The following TMEM128 variants were observed in gnomAD, a reference collection of about 807,000 sequenced individuals.
TMEM128 encodes the protein transmembrane protein 128.
Under a neutral mutation model 19.7 loss-of-function variants are expected in TMEM128, and 16 were observed. That is an observed-to-expected ratio of 0.81 (90% CI 0.55 to 1.23). The LOEUF is 1.23. TMEM128 is among the 50% of genes most tolerant of loss of function. TMEM128 has a pLI of 0.00. For missense variants in TMEM128, 237 were observed against 200.8 expected (o/e 1.18, Z -1.09); for synonymous variants, 98 against 75.8 (o/e 1.29, Z -1.52).
chr4:4,236,393 A>G (rs1717721541), intron 4 of TMEM128, 137 bp from the exon 5 acceptor site: 1 of 152,206 alleles, frequency 6.6e-6, no homozygotes, highest in Non-Finnish European at 1.5e-5. Context: ...AATCTACAAC[A>G]TTGTCTGAGT....
chr4:4,236,789 C>A (rs1298409671), intron 4 of TMEM128, among the ~76,000 whole-genome samples: 1 of 152,232 alleles, frequency 6.6e-6, no homozygotes, highest in East Asian at 1.9e-4. Flanking sequence ...GGAGAACATG[C>A]TGTTTTTAGC....
At chr4:4,242,062 C>T (rs1299840523) in intron 2 of TMEM128, among the ~76,000 whole-genome samples, 2 of 152,070 alleles carry the variant, frequency 1.3e-5, no homozygotes, top group African/African-American at 2.4e-5. Context: ...CCACCACGCC[C>T]AGCTAATTTT....
rs1249653706 is a variant in TMEM128, at chr4:4,248,149, C to A, written c.54G>T (p.Pro18=). The A allele has an allele frequency of 6.5e-7, 1 of 1,534,110 alleles. No individual in the cohort carries two copies. The highest frequency in any genetic ancestry group is 2.5e-5 in the East Asian group (1 of 40,198). Residue 18 remains proline, a synonymous_variant, in exon 1 of 5, where the codon CCG becomes CCT. Coordinates refer to ENST00000382753, the MANE Select transcript of TMEM128 (RefSeq NM_001297551.2). ...CGCGGTCCAGCTGGGCCTCGGCGTCCGGCAGGAGGAGGAATCGCCGCCGGA... is the reference window on the plus strand; with the variant it reads ...CGCGGTCCAGCTGGGCCTCGGCGTCAGGCAGGAGGAGGAATCGCCGCCGGA... ...QQLRRRFLLL[P]DAEAQLDREG... is the part of the protein sequence containing the mutation.
intron 2 of TMEM128, among the ~76,000 whole-genome samples, chr4:4,243,404 T>G (rs1718040798): frequency 6.6e-6 from 1 of 152,194 alleles, no homozygotes; most frequent in South Asian, 2.1e-4. Flanking sequence ...AATATGGACC[T>G]GCTCTCCCAT....
At chr4:4,237,516 C>T (rs12512182) in intron 4 of TMEM128, among the ~76,000 whole-genome samples, 25,479 of 152,134 alleles carry the variant, frequency 0.17, 2,219 homozygotes, top group East Asian at 0.3. Flanking sequence ...GTAGCACATG[C>T]TTATAATACC....
intron 2 of TMEM128, among the ~76,000 whole-genome samples, chr4:4,242,517 A>G (rs974444323): frequency 3.3e-4 from 46 of 138,056 alleles, no homozygotes; most frequent in Non-Finnish European, 5.8e-4. Flanking sequence ...ATATGAGAAA[A>G]AAAAAATTTT....
chr4:4,244,967 C>G (rs369003843), intron 2 of TMEM128, among the ~76,000 whole-genome samples: 1 of 152,302 alleles, frequency 6.6e-6, no homozygotes, highest in East Asian at 1.9e-4. Flanking sequence ...CTACTTTCCC[C>G]TGTGGGCTTT....
At chr4:4,246,753 A>AT (rs11427543) in intron 1 of TMEM128, among the ~76,000 whole-genome samples, 46,825 of 148,814 alleles carry the variant, frequency 0.31, 7,780 homozygotes, top group East Asian at 0.44. Flanking sequence ...TTATAACTAA[A>AT]TTTTTTTTTT....
intron 2 of TMEM128, among the ~76,000 whole-genome samples, chr4:4,245,168 A>C (rs1181825083): frequency 1.3e-5 from 2 of 152,132 alleles, no homozygotes; most frequent in East Asian, 3.8e-4. Context: ...CATGATGCTC[A>C]CCAACATACC....
At chr4:4,238,190 A>G (rs1717803678) in intron 3 of TMEM128, among the ~76,000 whole-genome samples, 2 of 152,244 alleles carry the variant, frequency 1.3e-5, no homozygotes, top group South Asian at 4.1e-4. Flanking sequence ...AGGGGTTGAC[A>G]TGGCTTAATA....
In TMEM128 at chr4:4,246,260, C is replaced by G. The variant is rs1183580828; in HGVS notation, c.181G>C (p.Val61Leu). The G allele has an allele frequency of 6.2e-7, 1 of 1,612,888 alleles. No homozygotes were observed. The highest frequency in any genetic ancestry group is 1.1e-5 in the South Asian group (1 of 90,792). The change falls in exon 2 of 5, where the codon GTT becomes CTT. Residue 61 changes from valine to leucine, a missense_variant. Val to Leu is a conservative substitution (Grantham distance 32, BLOSUM62 1). Transcript: ENST00000382753. ...AAGAAGTCAACATAATAGGTCACAA[C>G]AATGGATGCCAAAATCCAGAATCCA... ...HSGFWILASI[V>L]VTYYVDFFKT... is the part of the protein sequence containing the mutation.
At position 4,240,487 on chromosome 4, in the gene TMEM128, G is replaced by A; in HGVS notation, c.240-8C>T. 1 of 1,610,110 alleles carries A rather than the reference G, an allele frequency of 6.2e-7. No individual in the cohort carries two copies. The highest frequency in any genetic ancestry group is 8.5e-7 in the Non-Finnish European group (1 of 1,177,910). On this transcript the variant is annotated splice_region_variant and splice_polypyrimidine_tract_variant and intron_variant, in intron 2 of 4. Transcript: ENST00000382753. Reference sequence around the variant, plus strand: ...CTGCCACAGAGAAACCAGCTGTGGAGATAAAAACAGTAAGAGGTCTGACAG... The same window carrying A: ...CTGCCACAGAGAAACCAGCTGTGGAAATAAAAACAGTAAGAGGTCTGACAG...
chr4:4,236,388 A>C (rs1717720873), intron 4 of TMEM128, 132 bp from the exon 5 acceptor site: 2 of 152,122 alleles, frequency 1.3e-5, no homozygotes, highest in Admixed American at 1.3e-4. Context: ...TCTGTAATCT[A>C]CAACATTGTC....
intron 1 of TMEM128, chr4:4,247,799 C>G (rs890404057): frequency 6.9e-7 from 1 of 1,456,504 alleles, no homozygotes; most frequent in Non-Finnish European, 9.1e-7. Context: ...AAACACTGCG[C>G]ACATCATTGT....
intron 1 of TMEM128, chr4:4,247,464 A>G: frequency 8.3e-7 from 1 of 1,211,172 alleles, no homozygotes; most frequent in South Asian, 1.4e-5. Flanking sequence ...CATATGAGAT[A>G]AAAAATATCC....
At chr4:4,244,578 CT>C (rs1464889379) in intron 2 of TMEM128, among the ~76,000 whole-genome samples, 1 of 152,214 alleles carries the variant, frequency 6.6e-6, no homozygotes, top group African/African-American at 2.4e-5. Flanking sequence ...GTCTGTTATA[CT>C]GATGCAGCCG....
intron 3 of TMEM128, among the ~76,000 whole-genome samples, chr4:4,239,879 G>GC (rs1391488471): frequency 6.6e-6 from 1 of 152,206 alleles, no homozygotes; most frequent in African/African-American, 2.4e-5. Flanking sequence ...TGGAAGCAAA[G>GC]CAAGTAGTTA....
chr4:4,235,591 T>A lies in TMEM128; in HGVS notation c.*675A>T, dbSNP rs1717685251. On this transcript the variant is annotated 3_prime_UTR_variant, in exon 5 of 5. Transcript: ENST00000382753. ...AATGATACAGAAAAAAATGTATACTTAAAAGTGATTAAAACTTCACATTAG... is the reference window on the plus strand; with the variant it reads ...AATGATACAGAAAAAAATGTATACTAAAAAGTGATTAAAACTTCACATTAG... The A allele has an allele frequency of 6.6e-6, 1 of 152,632 alleles. No individual in the cohort carries two copies. Among genetic ancestry groups the A allele is most frequent in the African/African-American group, 2.4e-5 (1 of 41,442 alleles). 9.5% of individuals were successfully genotyped at this position (152,632 alleles called of 1,614,324 possible). A position where few individuals can be genotyped will look rare whatever the true frequency, so the allele number is the denominator to read the frequency against.
intron 4 of TMEM128, 109 bp downstream of exon 4, chr4:4,237,718 C>G (rs1396018274): frequency 7.6e-6 from 5 of 654,398 alleles, no homozygotes; most frequent in Admixed American, 4.8e-5. Flanking sequence ...GTAAACATGA[C>G]TGAAAATAAT....
Sources: allele counts gnomAD v4.1 joint callset (sites outside exome capture counted in the v4.1 genomes callset), GRCh38; gene constraint gnomAD v4.1.1; transcripts MANE v1.5; gene names NCBI Gene and HGNC (gene_info 2026-07-23, HGNC 2026-07-21).